Variants in SMG6 observed in about 807,000 individuals in gnomAD.
SMG6 encodes the protein SMG6 nonsense mediated mRNA decay factor, also known as telomerase-binding protein EST1A.
Under a neutral mutation model 142.2 loss-of-function variants are expected in SMG6, and 66 were observed. The ratio of observed to expected loss-of-function variants is 0.46; its 90% CI spans 0.38 to 0.57. The LOEUF is 0.57. Ranked by LOEUF, SMG6 falls within the 20% of genes least tolerant of loss-of-function variation. The pLI, the probability that SMG6 is intolerant of heterozygous loss-of-function variation, is 0.00. For synonymous variants in SMG6, 779 were observed against 702.4 expected, an observed-to-expected ratio of 1.11 and a Z score of -1.72; for missense variants, 1,793 against 1,832.0, an observed-to-expected ratio of 0.98 and a Z score of 0.39.
chr17:2,282,210 C>T (rs577271457), intron 8 of SMG6, among the ~76,000 whole-genome samples: 1 of 151,898 alleles, frequency 6.6e-6, no homozygotes, highest in East Asian at 1.9e-4. Context: ...GGAAAAAGTC[C>T]CCGCCCAAGA....
chr17:2,061,191 G>T lies in SMG6; in HGVS notation c.*301C>A, dbSNP rs1040408984. The T allele has an allele frequency of 3.2e-6, 1 of 312,218 alleles. No homozygotes were observed. 19.3% of individuals were successfully genotyped at this position (312,218 alleles called of 1,614,324 possible). ...CAGCCTTGGAATGAGACGGGGGAGGGAGAAAGGCTGAGAGCATGGGCGGCC... is the reference window on the plus strand; with the variant it reads ...CAGCCTTGGAATGAGACGGGGGAGGTAGAAAGGCTGAGAGCATGGGCGGCC... On this transcript the variant is annotated 3_prime_UTR_variant, in exon 19 of 19. Coordinates refer to ENST00000263073, the MANE Select transcript of SMG6 (RefSeq NM_017575.5).
At chr17:2,172,906 TA>T in intron 12 of SMG6, 47 bp from the exon 13 acceptor site, 28 of 1,536,010 alleles carry the variant, frequency 1.8e-5, no homozygotes, top group Non-Finnish European at 2.2e-5. Flanking sequence ...GAGGGACCAG[TA>T]AAAAAAAGTA....
chr17:2,142,172 G>A (rs951973761), intron 13 of SMG6, among the ~76,000 whole-genome samples: 3 of 152,012 alleles, frequency 2.0e-5, no homozygotes, highest in African/African-American at 7.3e-5. Flanking sequence ...AGTCCTTATT[G>A]TTTAAAAATG....
At chr17:2,066,270 GTC>G (rs2067941246) in intron 16 of SMG6, among the ~76,000 whole-genome samples, 1 of 151,476 alleles carries the variant, frequency 6.6e-6, no homozygotes, top group Non-Finnish European at 1.5e-5. Context: ...GCACGTGTAT[GTC>G]TGTGTGCGTG....
intron 10 of SMG6, among the ~76,000 whole-genome samples, chr17:2,211,104 A>AAAAG (rs2072845101): frequency 6.6e-6 from 1 of 151,748 alleles, no homozygotes; most frequent in African/African-American, 2.4e-5. Flanking sequence ...ATTTTATTAA[A>AAAAG]AAAAAAAAAA....
chr17:2,275,828 G>A (rs1266331739), intron 8 of SMG6, among the ~76,000 whole-genome samples: 1 of 152,176 alleles, frequency 6.6e-6, no homozygotes, highest in Admixed American at 6.5e-5. Flanking sequence ...TTGCAGTTGA[G>A]GCTGGCAATC....
At chr17:2,158,402 T>A (rs1268024246) in intron 13 of SMG6, among the ~76,000 whole-genome samples, 1 of 152,238 alleles carries the variant, frequency 6.6e-6, no homozygotes, top group Non-Finnish European at 1.5e-5. Flanking sequence ...AATGAGGTTT[T>A]ATATTATTTC....
chr17:2,240,895 A>G (rs2073784831), intron 9 of SMG6, among the ~76,000 whole-genome samples: 1 of 152,118 alleles, frequency 6.6e-6, no homozygotes, highest in Non-Finnish European at 1.5e-5. Context: ...CACCGCCCAC[A>G]TTTCACATCT....
chr17:2,285,798 C>T (rs906321390), intron 6 of SMG6, among the ~76,000 whole-genome samples: 1 of 152,144 alleles, frequency 6.6e-6, no homozygotes, highest in South Asian at 2.1e-4. Flanking sequence ...CTCAGCCTCC[C>T]GAGTAGCTGG....
chr17:2,088,754 G>C (rs1201290697), intron 13 of SMG6: 1 of 985,228 alleles, frequency 1.0e-6, no homozygotes, highest in Non-Finnish European at 1.2e-6. Context: ...CTGAGAGGCA[G>C]AATGTCCAGG....
chr17:2,266,922 CGGTTCTGGTTCTGACCTTCTTTGA>C (rs914760215), intron 8 of SMG6, among the ~76,000 whole-genome samples: 19 of 152,050 alleles, frequency 1.2e-4, no homozygotes, highest in African/African-American at 4.6e-4. Flanking sequence ...CTGAAAAACC[CGGTTCTGGTTCTGACCTTCTTTGA>C]GGATCCCACT....
chr17:2,150,840 C>CT (rs2070804630), intron 13 of SMG6, among the ~76,000 whole-genome samples: 1 of 152,116 alleles, frequency 6.6e-6, no homozygotes, highest in Non-Finnish European at 1.5e-5. Context: ...GTGAAATACC[C>CT]TTTCCCCCAA....
At chr17:2,153,417 T>C (rs2070886823) in intron 13 of SMG6, among the ~76,000 whole-genome samples, 1 of 152,164 alleles carries the variant, frequency 6.6e-6, no homozygotes, top group Non-Finnish European at 1.5e-5. Flanking sequence ...GTGTTGAAAA[T>C]GGTCTATATC....
intron 10 of SMG6, among the ~76,000 whole-genome samples, chr17:2,193,897 T>A (rs908484246): frequency 6.6e-6 from 1 of 152,220 alleles, no homozygotes; most frequent in African/African-American, 2.4e-5. Context: ...GTGGTACAAC[T>A]GTGGCTCAGT....
chr17:2,292,412 G>A (rs1042708665), intron 6 of SMG6, 140 bp downstream of exon 6: 16 of 806,118 alleles, frequency 2.0e-5, no homozygotes, highest in African/African-American at 8.6e-5. Flanking sequence ...GAGAGTAACC[G>A]TAACAAAAGG....
chr17:2,139,723 TAACA>T (rs1159546616), intron 13 of SMG6, among the ~76,000 whole-genome samples: 2 of 150,036 alleles, frequency 1.3e-5, no homozygotes, highest in African/African-American at 4.9e-5. Flanking sequence ...CCAAGACATT[TAACA>T]AACAAATTTT....
chr17:2,160,919 C>T (rs2084538113), intron 13 of SMG6, among the ~76,000 whole-genome samples: 1 of 151,818 alleles, frequency 6.6e-6, no homozygotes, highest in South Asian at 2.1e-4. Context: ...GTAAAGAAAA[C>T]TAAAAAGGGT....
chr17:2,154,108 G>A (rs2070923901), intron 13 of SMG6, among the ~76,000 whole-genome samples: 1 of 136,358 alleles, frequency 7.3e-6, no homozygotes, highest in African/African-American at 2.8e-5. Flanking sequence ...GAGTGTGACG[G>A]TGACTGGGGA....
At chr17:2,235,744 A>G (rs2073632548) in intron 10 of SMG6, 1 of 152,536 alleles carries the variant, frequency 6.6e-6, no homozygotes, top group Admixed American at 6.6e-5. Flanking sequence ...ATACCATATC[A>G]TCCTTACCTA....
Sources: allele counts gnomAD v4.1 joint callset (sites outside exome capture counted in the v4.1 genomes callset), GRCh38; gene constraint gnomAD v4.1.1; transcripts MANE v1.5; gene names NCBI Gene and HGNC (gene_info 2026-07-23, HGNC 2026-07-21).